ACTR3C: variants seen among roughly 807,000 people sequenced by gnomAD.
The protein encoded by ACTR3C is actin related protein 3C.
A neutral mutation model predicts 26.3 loss-of-function variants in ACTR3C; 18 were observed. The ratio of observed to expected loss-of-function variants is 0.68; its 90% confidence interval spans 0.47 to 1.01. ACTR3C has a LOEUF of 1.01. Among genes scored for constraint, ACTR3C ranks in the 50% least tolerant of loss-of-function variants. The pLI, the probability that ACTR3C is intolerant of heterozygous loss-of-function variation, is 0.00. For synonymous variants in ACTR3C, 55 were observed against 94.5 expected, an observed-to-expected ratio of 0.58 and a Z score of 2.42; for missense variants, 184 against 250.7, an observed-to-expected ratio of 0.73 and a Z score of 1.80.
At chr7:150,240,255 C>T (rs1356640895), downstream of ACTR3C, among the ~76,000 whole-genome samples, 1 of 152,142 alleles carries the variant, frequency 6.6e-6, no homozygotes, top group Non-Finnish European at 1.5e-5. Flanking sequence ...AGTGCACTCA[C>T]AATGTTGTGT....
chr7:150,169,546 C>T, the ACTR3C span, among the ~76,000 whole-genome samples: 754 of 150,470 alleles, frequency 5.0e-3, 11 homozygotes, highest in Non-Finnish European at 8.6e-3. Context: ...TTTCCAGCTT[C>T]CAGAACTGTG....
At chr7:150,135,140 T>C in the ACTR3C span, among the ~76,000 whole-genome samples, 11 of 152,218 alleles carry the variant, frequency 7.2e-5, no homozygotes, top group African/African-American at 1.7e-4. Context: ...GGCGTGGTGG[T>C]GGGCGCCTGT....
chr7:150,010,693 C>CAA, the ACTR3C span, among the ~76,000 whole-genome samples: 983 of 117,934 alleles, frequency 8.3e-3, 7 homozygotes, highest in Middle Eastern at 0.012. Context: ...GACTCCATCT[C>CAA]AAAAAAAAAA....
chr7:150,154,212 T>A, the ACTR3C span, among the ~76,000 whole-genome samples: 2 of 151,932 alleles, frequency 1.3e-5, no homozygotes, highest in African/African-American at 2.4e-5. Context: ...ACCCTAAAAC[T>A]TAAAGTATAA....
At chr7:150,029,021 GC>G in the ACTR3C span, among the ~76,000 whole-genome samples, 1 of 151,694 alleles carries the variant, frequency 6.6e-6, no homozygotes, top group Admixed American at 6.6e-5. Context: ...TTATTACACT[GC>G]CCATTGCTTC....
chr7:150,227,342 T>G, the ACTR3C span, among the ~76,000 whole-genome samples: 6 of 151,676 alleles, frequency 4.0e-5, no homozygotes, highest in African/African-American at 1.5e-4. Context: ...TCATTCTGTT[T>G]CTATGAGATC....
chr7:149,990,042 A>T, the ACTR3C span, among the ~76,000 whole-genome samples: 1 of 151,980 alleles, frequency 6.6e-6, no homozygotes, highest in Non-Finnish European at 1.5e-5. Flanking sequence ...TCACTTCCGG[A>T]GGCCCCTGAT....
chr7:150,117,187 G>GT, the ACTR3C span, among the ~76,000 whole-genome samples: 939 of 152,282 alleles, frequency 6.2e-3, 5 homozygotes, highest in African/African-American at 0.02. Context: ...AGCTGGAGGA[G>GT]TTTTTTATCA....
the ACTR3C span, among the ~76,000 whole-genome samples, chr7:150,172,956 A>C: frequency 6.7e-6 from 1 of 149,236 alleles, no homozygotes; most frequent in East Asian, 2.0e-4. Context: ...GGTCTTGGGC[A>C]GCTCCACTCC....
chr7:150,039,095 A>T, the ACTR3C span, among the ~76,000 whole-genome samples: 3 of 148,672 alleles, frequency 2.0e-5, no homozygotes, highest in African/African-American at 7.5e-5. Flanking sequence ...TAACACCCAC[A>T]GTCCTCCAGG....
the ACTR3C span, among the ~76,000 whole-genome samples, chr7:150,169,388 G>GAAAAAAAAAAAAA: frequency 8.3e-6 from 1 of 120,152 alleles, no homozygotes; most frequent in African/African-American, 3.4e-5. Flanking sequence ...ATTTCAAAAG[G>GAAAAAAAAAAAAA]AAAAAAAAAA....
chr7:150,244,990 T>C (rs1230521201), downstream of ACTR3C: 1 of 152,246 alleles, frequency 6.6e-6, no homozygotes, highest in Non-Finnish European at 1.5e-5. Flanking sequence ...AGATAGTACA[T>C]GACTTCCCTT....
chr7:149,983,677 A>G, the ACTR3C span, among the ~76,000 whole-genome samples: 1 of 151,388 alleles, frequency 6.6e-6, no homozygotes, highest in African/African-American at 2.4e-5. Flanking sequence ...CTGCACTTCC[A>G]TGTTCATTGC....
At chr7:150,024,233 T>C in the ACTR3C span, among the ~76,000 whole-genome samples, 1 of 151,898 alleles carries the variant, frequency 6.6e-6, no homozygotes, top group East Asian at 1.9e-4. Flanking sequence ...ACAGAGGACA[T>C]GAGGCTGAGG....
chr7:150,130,779 A>G, the ACTR3C span, among the ~76,000 whole-genome samples: 1 of 152,224 alleles, frequency 6.6e-6, no homozygotes, highest in Non-Finnish European at 1.5e-5. Context: ...ATGTCCATAT[A>G]ACGAAATTCT....
the ACTR3C span, among the ~76,000 whole-genome samples, chr7:149,917,154 A>C: frequency 0.98 from 149,090 of 151,362 alleles, 73,464 homozygotes; most frequent in East Asian, 1. Context: ...TGGCTCACTG[A>C]AACCTCCGCC....
chr7:150,220,642 G>C, the ACTR3C span, among the ~76,000 whole-genome samples: 3 of 151,912 alleles, frequency 2.0e-5, no homozygotes, highest in African/African-American at 7.3e-5. Context: ...CCCAAAAGGA[G>C]CTCCAAGGAG....
intron 6 of ACTR3C, among the ~76,000 whole-genome samples, chr7:150,255,141 T>C (rs1170508072): frequency 6.6e-6 from 1 of 151,650 alleles, no homozygotes; most frequent in Non-Finnish European, 1.5e-5. Flanking sequence ...GAACATGTCC[T>C]AATTCCCTGT....
chr7:150,284,952 T>TA (rs1835653410), intron 5 of ACTR3C, 107 bp from the exon 6 acceptor site: 1 of 1,073,850 alleles, frequency 9.3e-7, no homozygotes, highest in East Asian at 2.9e-5. Context: ...TATTATAACT[T>TA]AAAAGAATTC....
Sources: gnomAD v4.1 joint callset for allele counts (sites outside exome capture counted in the v4.1 genomes callset) on GRCh38, gnomAD v4.1.1 for gene constraint, MANE v1.5 for transcripts, NCBI Gene and HGNC (gene_info 2026-07-23, HGNC 2026-07-21) for gene names.